The following ARID1B variants were observed in gnomAD, a reference collection of about 807,000 sequenced individuals.
The protein encoded by ARID1B is AT-rich interaction domain 1B, also known as AT-rich interactive domain-containing protein 1B.
A neutral mutation model predicts 212.3 loss-of-function variants in ARID1B; 30 were observed. That is an observed-to-expected ratio of 0.14 (90% CI 0.11 to 0.19). ARID1B has a LOEUF of 0.19. Among genes scored for constraint, ARID1B ranks in the 10% least tolerant of loss-of-function variants. The probability of loss-of-function intolerance (pLI) is 1.00; values close to 1 mark genes in which losing one functional copy is unlikely to be tolerated. For synonymous variants in ARID1B, 1,402 were observed against 1,301.7 expected, an observed-to-expected ratio of 1.08 and a Z score of -1.66; for missense variants, 2,891 against 3,204.0, an observed-to-expected ratio of 0.90 and a Z score of 2.36.
chr6:157,066,491 A>G (rs1783684258), intron 4 of ARID1B, among the ~76,000 whole-genome samples: 3 of 152,208 alleles, frequency 2.0e-5, no homozygotes, highest in Admixed American at 2.0e-4. Context: ...ATATATAAAT[A>G]TCTCAATGAA....
rs1204011572 is a variant in ARID1B, at chr6:156,779,477, C to T, written c.1791+6C>T. The T allele has an allele frequency of 6.5e-6, 9 of 1,378,338 alleles. No individual in the cohort carries two copies. The highest frequency in any genetic ancestry group is 5.3e-5 in the Admixed American group (2 of 37,858). 85.4% of individuals were successfully genotyped at this position (1,378,338 alleles called of 1,614,324 possible). On this transcript the variant is annotated splice_donor_region_variant and intron_variant, in intron 1 of 19. Coordinates refer to ENST00000636930, the MANE Select transcript of ARID1B (RefSeq NM_001374828.1). ...CGACCATGGGCAGATCCCAGGTAAC[C>T]CTCGCGCCAGCCGGGCCTGCTTCCG...
chr6:157,145,858 G>T (rs534912505), intron 7 of ARID1B, among the ~76,000 whole-genome samples: 1 of 152,234 alleles, frequency 6.6e-6, no homozygotes, highest in African/African-American at 2.4e-5. Flanking sequence ...TTATAATAAT[G>T]TGTACCTCCT....
At chr6:156,871,902 C>G (rs1397418769) in intron 2 of ARID1B, among the ~76,000 whole-genome samples, 1 of 152,186 alleles carries the variant, frequency 6.6e-6, no homozygotes, top group Non-Finnish European at 1.5e-5. Context: ...CTTGAGGAAC[C>G]ACATTGTGCT....
intron 9 of ARID1B, 39 bp downstream of exon 9, chr6:157,167,224 TC>T: frequency 6.3e-7 from 1 of 1,582,284 alleles, no homozygotes. Flanking sequence ...CCCCTCTCTC[TC>T]CCCTCTCCTC....
intron 4 of ARID1B, among the ~76,000 whole-genome samples, chr6:157,081,209 C>G (rs1784611501): frequency 6.6e-6 from 1 of 152,126 alleles, no homozygotes; most frequent in Admixed American, 6.5e-5. Context: ...CTTGAAGGTG[C>G]CTTGGGTAGA....
In ARID1B at chr6:156,778,432, G is replaced by C. The variant is rs1022306360; in HGVS notation, c.752G>C (p.Gly251Ala). The change falls in exon 1 of 20, where the codon GGC becomes GCC. Residue 251 changes from glycine to alanine, a missense_variant. Gly to Ala is a moderately conservative substitution (Grantham distance 60, BLOSUM62 0). Coordinates refer to ENST00000636930, the MANE Select transcript of ARID1B (RefSeq NM_001374828.1). ...QHGGAKDSAAGGQADPPGPPL... is the reference protein window; with the variant it reads ...QHGGAKDSAAAGQADPPGPPL... ...GGAGGCGCCAAGGACAGTGCTGCGG[G>C]CGGCCAGGCCGACCCCCCGGGCCCG... 6.1e-6 allele frequency: 9 copies of C among 1,474,438 alleles called. No homozygotes were observed. The highest frequency in any genetic ancestry group is 8.1e-6 in the Non-Finnish European group (9 of 1,117,928). 91.3% of individuals were successfully genotyped at this position (1,474,438 alleles called of 1,614,324 possible).
rs1053474644 is a variant in ARID1B, at chr6:157,200,026, T to C, written c.4480-679T>C. Among the ~76,000 whole-genome samples the C allele has an allele frequency of 6.6e-6, 1 of 152,148 alleles. No individual in the cohort carries two copies. The highest frequency in any genetic ancestry group is 1.5e-5 in the Non-Finnish European group (1 of 68,022). On this transcript the variant is annotated intron_variant, in intron 17 of 19. Coordinates refer to ENST00000636930, the MANE Select transcript of ARID1B (RefSeq NM_001374828.1). The surrounding 1 kb of genome is among the most constrained non-coding windows in gnomAD (Gnocchi z 4.3). ...CAGTTTTCAAGTAAAGTGGAAAACATCAGCATCTCACTGCCTCCCATCAGA... is the reference window on the plus strand; with the variant it reads ...CAGTTTTCAAGTAAAGTGGAAAACACCAGCATCTCACTGCCTCCCATCAGA...
At chr6:156,854,670 G>C (rs766260647) in intron 2 of ARID1B, among the ~76,000 whole-genome samples, 1 of 152,196 alleles carries the variant, frequency 6.6e-6, no homozygotes, top group Admixed American at 6.5e-5. Flanking sequence ...CACCCATCCC[G>C]GCCATCCTGC....
At chr6:157,154,568 G>GTT (rs770934447) in intron 8 of ARID1B, among the ~76,000 whole-genome samples, 6,040 of 117,882 alleles carry the variant, frequency 0.051, 266 homozygotes, top group African/African-American at 0.12. Flanking sequence ...CTGCTCTTCT[G>GTT]TTTTTTTTTT....
At chr6:156,905,772 C>G (rs1789324848) in intron 3 of ARID1B, among the ~76,000 whole-genome samples, 1 of 151,956 alleles carries the variant, frequency 6.6e-6, no homozygotes, top group Admixed American at 6.6e-5. Context: ...TGTTGGTTTT[C>G]TTTTTCCTTT....
At chr6:157,065,485 T>C (rs1354707667) in intron 4 of ARID1B, among the ~76,000 whole-genome samples, 1 of 152,238 alleles carries the variant, frequency 6.6e-6, no homozygotes, top group African/African-American at 2.4e-5. Flanking sequence ...ACAGTTACTT[T>C]CAAATACATC....
chr6:156,994,912 G>C (rs1303028412), intron 4 of ARID1B, among the ~76,000 whole-genome samples: 3 of 152,356 alleles, frequency 2.0e-5, no homozygotes, highest in South Asian at 2.1e-4. Context: ...AGAACATGAC[G>C]GTTGGGTTAT....
chr6:156,797,667 G>C (rs1460061962), intron 1 of ARID1B, among the ~76,000 whole-genome samples: 1 of 152,186 alleles, frequency 6.6e-6, no homozygotes, highest in African/African-American at 2.4e-5. Flanking sequence ...GCCAGGCTGT[G>C]GTTTTGGATT....
intron 4 of ARID1B, among the ~76,000 whole-genome samples, chr6:156,978,010 A>C (rs115002323): frequency 0.014 from 2,058 of 152,034 alleles, 34 homozygotes; most frequent in African/African-American, 0.045. Flanking sequence ...AGCCCTGAGG[A>C]TTCTTCTTCT....
At chr6:156,916,951 G>T (rs1286428342) in intron 3 of ARID1B, among the ~76,000 whole-genome samples, 1 of 152,194 alleles carries the variant, frequency 6.6e-6, no homozygotes, top group Admixed American at 6.5e-5. Flanking sequence ...CAGACAGGGG[G>T]CTGTCTGTCA....
chr6:156,820,697 C>G (rs1027327409), intron 1 of ARID1B, among the ~76,000 whole-genome samples: 3 of 152,200 alleles, frequency 2.0e-5, no homozygotes, highest in African/African-American at 7.2e-5. Flanking sequence ...GTTTGTCTGA[C>G]TTGAAACCCC....
At chr6:156,928,012 G>A (rs1235887683) in intron 3 of ARID1B, among the ~76,000 whole-genome samples, 1 of 152,150 alleles carries the variant, frequency 6.6e-6, no homozygotes, top group African/African-American at 2.4e-5. Flanking sequence ...GGATCTTGAG[G>A]ACAGTAAGGA....
intron 18 of ARID1B, among the ~76,000 whole-genome samples, chr6:157,202,776 ATATG>A (rs970953898): frequency 6.6e-6 from 1 of 150,476 alleles, no homozygotes; most frequent in Non-Finnish European, 1.5e-5. Flanking sequence ...TATATATAGA[ATATG>A]TGTGTGTGTG....
chr6:157,056,757 AATC>A (rs1782979033), intron 4 of ARID1B, among the ~76,000 whole-genome samples: 1 of 152,200 alleles, frequency 6.6e-6, no homozygotes, highest in Non-Finnish European at 1.5e-5. Flanking sequence ...AGTTTTGACT[AATC>A]ATTTTTGGAG....
Sources: allele counts gnomAD v4.1 joint callset (sites outside exome capture counted in the v4.1 genomes callset), GRCh38; gene constraint gnomAD v4.1.1; non-coding constraint Gnocchi (gnomAD v3.1); transcripts MANE v1.5; gene names NCBI Gene and HGNC (gene_info 2026-07-23, HGNC 2026-07-21).